The following DMRTC1B variants were observed in gnomAD, a reference collection of about 807,000 sequenced individuals.
DMRTC1B encodes the protein DMRT like family C1B.
chrX:72,841,439 A>AGGAAGGGAAG (rs782718833), intron 1 of DMRTC1B, among the ~76,000 whole-genome samples: 12 of 2,603 alleles, frequency 4.6e-3, no homozygotes, highest in Non-Finnish European at 4.8e-3. Flanking sequence ...CGGAAAGGAA[A>AGGAAGGGAAG]GGAAGGGAAG....
chrX:72,839,348 T>C (rs1330819447), intron 1 of DMRTC1B, among the ~76,000 whole-genome samples: 3 of 111,575 alleles, frequency 2.7e-5, no homozygotes, highest in Non-Finnish European at 5.7e-5. Context: ...TGCGGTTTCA[T>C]AGGAGTACAT....
chrX:72,802,496 AC>A, intron 1 of DMRTC1B, among the ~76,000 whole-genome samples: 1 of 60,829 alleles, frequency 1.6e-5, no homozygotes, highest in South Asian at 6.9e-4. Context: ...AATCTTCACA[AC>A]CCCTCTGTGA....
At chrX:72,815,630 CTT>C (rs782089848) in intron 1 of DMRTC1B, among the ~76,000 whole-genome samples, 363 of 98,871 alleles carry the variant, frequency 3.7e-3, no homozygotes, top group Admixed American at 5.8e-3. Context: ...TTTTTCTCCT[CTT>C]TTTTTTTTTT....
chrX:72,802,498 C>T (rs1556346633), intron 1 of DMRTC1B, among the ~76,000 whole-genome samples: 1 of 61,401 alleles, frequency 1.6e-5, no homozygotes, highest in African/African-American at 3.7e-5. Flanking sequence ...TCTTCACAAC[C>T]CCTCTGTGAG....
intron 1 of DMRTC1B, chrX:72,807,596 C>A: frequency 1.1e-6 from 1 of 929,498 alleles, no homozygotes; most frequent in Non-Finnish European, 1.4e-6. Flanking sequence ...AAGCGAGTGA[C>A]AAGTGGACCC....
At chrX:72,807,301 C>A in intron 1 of DMRTC1B, 1 of 338,679 alleles carries the variant, frequency 3.0e-6, no homozygotes. Flanking sequence ...AGGAGGAGGG[C>A]AGACAGCCTA....
chrX:72,806,607 C>CTTTT (rs2054656828), intron 1 of DMRTC1B, among the ~76,000 whole-genome samples: 3 of 18,237 alleles, frequency 1.6e-4, no homozygotes, highest in African/African-American at 3.1e-4. Flanking sequence ...TTTTTTTTTC[C>CTTTT]TCCCCTGGCT....
intron 1 of DMRTC1B, among the ~76,000 whole-genome samples, chrX:72,792,556 G>GA (rs2054619123): frequency 1.7e-5 from 2 of 114,927 alleles, no homozygotes. Context: ...TTCCGTTCAG[G>GA]AAAATAGGGA....
intron 1 of DMRTC1B, among the ~76,000 whole-genome samples, chrX:72,798,128 A>T (rs1248785656): frequency 7.8e-4 from 3 of 3,855 alleles, no homozygotes; most frequent in Non-Finnish European, 4.3e-3. Flanking sequence ...GATCTTTGTT[A>T]TTTCTTTTCT....
chrX:72,840,125 CAA>C (rs200527014), intron 1 of DMRTC1B, among the ~76,000 whole-genome samples: 1,140 of 22,584 alleles, frequency 0.05, 2 homozygotes, highest in Middle Eastern at 0.2. Context: ...GAAACTCCGT[CAA>C]AAAAAAAAAA....
intron 1 of DMRTC1B, among the ~76,000 whole-genome samples, chrX:72,820,456 G>A (rs1376614053): frequency 9.6e-6 from 1 of 103,821 alleles, no homozygotes; most frequent in Non-Finnish European, 2.0e-5. Context: ...CTTAGGTTTA[G>A]TTTGCTCTTT....
At position 72,840,140 on chromosome X, in the gene DMRTC1B, AAAG is replaced by A. The variant is rs1459563875; in HGVS notation, c.-94-4899_-94-4897del. ...GAAACTCCGTCAAAAAAAAAAAAAA[AAAG>A]AAAGAAAGAAAAGAGAAAAAGCAAA... On this transcript the variant is annotated intron_variant, in intron 1 of 6. Transcript: ENST00000334036. 1.0e-2 allele frequency among the ~76,000 whole-genome samples: 452 copies of A among 45,416 alleles called. 31 individuals are homozygous for A. The African/African-American group carries it at 0.11, about 12-fold the overall frequency. 39.4% of individuals were successfully genotyped at this position (45,416 alleles called of 115,157 possible). A position where few individuals can be genotyped will look rare whatever the true frequency, so the allele number is the denominator to read the frequency against.
chrX:72,820,276 G>T (rs1438006551), intron 1 of DMRTC1B, among the ~76,000 whole-genome samples: 137 of 56,177 alleles, frequency 2.4e-3, no homozygotes, highest in African/African-American at 8.5e-3. Context: ...TGATTTCAGC[G>T]AATAGAACCT....
chrX:72,792,710 GCTGA>G (rs1286942942), intron 1 of DMRTC1B, among the ~76,000 whole-genome samples: 179 of 75,060 alleles, frequency 2.4e-3, no homozygotes, highest in African/African-American at 4.6e-3. Flanking sequence ...CTCTCCTGGG[GCTGA>G]CTATCTGCCA....
chrX:72,808,104 A>C, intron 1 of DMRTC1B: 1 of 254,190 alleles, frequency 3.9e-6, no homozygotes, highest in Non-Finnish European at 5.9e-6. Flanking sequence ...AAGGGAGTGA[A>C]GATCATGCTT....
chrX:72,839,839 CA>C (rs1466583627), intron 1 of DMRTC1B, among the ~76,000 whole-genome samples: 7 of 92,681 alleles, frequency 7.6e-5, no homozygotes, highest in Admixed American at 1.2e-4. Context: ...GTTTGCTAAG[CA>C]AACTCGGCCG....
chrX:72,840,225 AAG>A (rs2147879261), intron 1 of DMRTC1B, among the ~76,000 whole-genome samples: 1 of 92,532 alleles, frequency 1.1e-5, no homozygotes, highest in East Asian at 4.2e-4. Context: ...AAGCAAAGCA[AAG>A]CAAAGCAAAG....
At chrX:72,807,506 G>T in intron 1 of DMRTC1B, 2 of 599,888 alleles carry the variant, frequency 3.3e-6, no homozygotes, top group Non-Finnish European at 4.8e-6. Flanking sequence ...ATCAGAGGGG[G>T]CTCGGTCACC....
chrX:72,840,160 AAAAGCAAAGCAAAGCAAAGAGAAAAAGC>A (rs2054727499), intron 1 of DMRTC1B, among the ~76,000 whole-genome samples: 121 of 94,323 alleles, frequency 1.3e-3, no homozygotes, highest in Middle Eastern at 5.2e-3. Flanking sequence ...AGAAAAGAGA[AAAAGCAAAGCAAAGCAAAGAGAAAAAGC>A]AAAGCAAAGC....
Sources: allele counts gnomAD v4.1 joint callset (sites outside exome capture counted in the v4.1 genomes callset), GRCh38; gene constraint gnomAD v4.1.1; transcripts MANE v1.5; gene names NCBI Gene and HGNC (gene_info 2026-07-23, HGNC 2026-07-21).